The following GRAMD1B variants were observed in gnomAD, a reference collection of about 807,000 sequenced individuals.
GRAMD1B encodes the protein protein Aster-B.
A neutral mutation model predicts 99.7 loss-of-function variants in GRAMD1B; 37 were observed. That is an observed-to-expected ratio of 0.37 (90% CI 0.29 to 0.49). The LOEUF (loss-of-function observed/expected upper bound fraction) is 0.49, where lower values mean the gene tolerates loss of function less well. Ranked by LOEUF, GRAMD1B falls within the 20% of genes least tolerant of loss-of-function variation. The pLI is 0.98. For missense variants in GRAMD1B, 888 were observed against 1,009.2 expected (o/e 0.88, Z 1.63); for synonymous variants, 427 against 387.6 (o/e 1.10, Z -1.19).
chr11:123,580,802 G>A (rs754797410), intron 3 of GRAMD1B, among the ~76,000 whole-genome samples: 5 of 152,164 alleles, frequency 3.3e-5, no homozygotes, highest in Non-Finnish European at 7.3e-5. Flanking sequence ...CTATGCAGCA[G>A]GTGCGGCAAA....
chr11:123,431,283 A>G (rs1423468746), intron 1 of GRAMD1B, 117 bp downstream of exon 1: 7 of 594,974 alleles, frequency 1.2e-5, no homozygotes, highest in Non-Finnish European at 2.1e-5. Context: ...CCGTCACCAG[A>G]GGCGCTTCTG....
intron 1 of GRAMD1B, among the ~76,000 whole-genome samples, chr11:123,395,504 C>A (rs1947428588): frequency 6.6e-6 from 1 of 152,138 alleles, no homozygotes; most frequent in African/African-American, 2.4e-5. Flanking sequence ...TGCATGGTTT[C>A]CTTTGCCTGT....
chr11:123,578,474 T>C, intron 3 of GRAMD1B: 1 of 1,408,900 alleles, frequency 7.1e-7, no homozygotes, highest in South Asian at 1.2e-5. Context: ...CCCTCTAGTG[T>C]CGATCTGTCT....
At chr11:123,567,641 T>C (rs893189695) in intron 2 of GRAMD1B, among the ~76,000 whole-genome samples, 7 of 152,174 alleles carry the variant, frequency 4.6e-5, no homozygotes, top group Non-Finnish European at 8.8e-5. Flanking sequence ...AAATGAAAAA[T>C]AGTGTTTGTC....
At chr11:123,505,706 A>T (rs1940354236) in intron 2 of GRAMD1B, among the ~76,000 whole-genome samples, 1 of 152,140 alleles carries the variant, frequency 6.6e-6, no homozygotes, top group Non-Finnish European at 1.5e-5. Flanking sequence ...TTCAAGCTGA[A>T]ACTCTTCCTC....
intron 2 of GRAMD1B, among the ~76,000 whole-genome samples, chr11:123,571,806 G>A (rs570770593): frequency 6.6e-6 from 1 of 151,998 alleles, no homozygotes; most frequent in African/African-American, 2.4e-5. Flanking sequence ...TGTTCATGCT[G>A]TCCGCCACCC....
chr11:123,525,820 C>A, intron 2 of GRAMD1B: 1 of 377,346 alleles, frequency 2.7e-6, no homozygotes, highest in South Asian at 3.0e-5. Flanking sequence ...GCTTGTTTCG[C>A]GCAGCCTTGC....
At chr11:123,504,581 G>A (rs983195628) in intron 2 of GRAMD1B, among the ~76,000 whole-genome samples, 14 of 152,140 alleles carry the variant, frequency 9.2e-5, no homozygotes, top group African/African-American at 2.9e-4. Flanking sequence ...AGTGACTCCC[G>A]CTGTGCTAGT....
chr11:123,492,000 T>C, intron 2 of GRAMD1B: 1 of 398,972 alleles, frequency 2.5e-6, no homozygotes, highest in Non-Finnish European at 4.4e-6. Flanking sequence ...TGGGATTGCC[T>C]GGGTTGGCTC....
rs957773877 is a variant in GRAMD1B, at chr11:123,619,084, G to A, written c.2427-23G>A. ...GCTGAGCATAACTCCAGCTGCTGGG[G>A]TACCCCTTCTTCTACCCCACAGGTT... On this transcript the variant is annotated intron_variant, in intron 18 of 19. Coordinates refer to ENST00000635736, the MANE Select transcript of GRAMD1B (RefSeq NM_001387025.1). The A allele has an allele frequency of 8.4e-6, 11 of 1,315,114 alleles. 1 individual carries two copies. In the South Asian group the frequency reaches 1.1e-4, roughly 14 times the overall value. The allele number at this position is 1,315,114 out of a possible 1,614,324, so 81.5% of individuals were successfully genotyped here.
intron 2 of GRAMD1B, among the ~76,000 whole-genome samples, chr11:123,565,064 C>T (rs1947196809): frequency 6.6e-6 from 1 of 152,132 alleles, no homozygotes; most frequent in South Asian, 2.1e-4. Context: ...GAAAGGATCT[C>T]ACTCTGTTGA....
chr11:123,464,391 C>A (rs1047922013), intron 1 of GRAMD1B, among the ~76,000 whole-genome samples: 2 of 152,146 alleles, frequency 1.3e-5, no homozygotes, highest in Non-Finnish European at 2.9e-5. Context: ...TTGTAGACGC[C>A]GATTGTGCAT....
At chr11:123,466,484 AG>A (rs1950687939) in intron 1 of GRAMD1B, among the ~76,000 whole-genome samples, 1 of 151,632 alleles carries the variant, frequency 6.6e-6, no homozygotes, top group African/African-American at 2.4e-5. Context: ...AAAGAAAGAA[AG>A]AAAAAGAAAG....
rs1949951870 is a variant in GRAMD1B, at chr11:123,452,919, G to T, written c.374+21753G>T. Reference sequence around the variant, plus strand: ...AGAAGGGGTAGGGAAGTGAAAGTTCGGTCTTGTGTTTCACAGGCACCACTG... The same window carrying T: ...AGAAGGGGTAGGGAAGTGAAAGTTCTGTCTTGTGTTTCACAGGCACCACTG... On this transcript the variant is annotated intron_variant, in intron 1 of 19. Transcript: ENST00000635736. Among the ~76,000 whole-genome samples, 3 of 152,200 alleles carry T rather than the reference G, an allele frequency of 2.0e-5. No individual in the cohort carries two copies. The South Asian group carries it at 6.2e-4, about 32-fold the overall frequency.
At chr11:123,548,970 T>C (rs1945335983) in intron 2 of GRAMD1B, among the ~76,000 whole-genome samples, 1 of 152,166 alleles carries the variant, frequency 6.6e-6, no homozygotes, top group Admixed American at 6.5e-5. Context: ...AAGCCTCCCA[T>C]CTGCCCAGCA....
chr11:123,486,554 GAAAAA>G (rs770942713), intron 2 of GRAMD1B, among the ~76,000 whole-genome samples: 1 of 102,336 alleles, frequency 9.8e-6, no homozygotes, highest in Admixed American at 1.0e-4. Context: ...TCTCAAAAAA[GAAAAA>G]AAAAAAAAAA....
At chr11:123,599,297 C>T in intron 7 of GRAMD1B, 1 of 723,164 alleles carries the variant, frequency 1.4e-6, no homozygotes, top group Non-Finnish European at 2.6e-6. Flanking sequence ...TCCCACTGAC[C>T]TCCATATACC....
intron 2 of GRAMD1B, among the ~76,000 whole-genome samples, chr11:123,560,074 C>CG (rs200821997): frequency 0.026 from 3,981 of 151,568 alleles, 198 homozygotes; most frequent in African/African-American, 0.092. Flanking sequence ...AACCCCCCCC[C>CG]CCGCAGCCCC....
intron 1 of GRAMD1B, among the ~76,000 whole-genome samples, chr11:123,414,021 G>A (rs1373965984): frequency 6.6e-6 from 1 of 151,870 alleles, no homozygotes; most frequent in East Asian, 1.9e-4. Flanking sequence ...AACTGTTAGT[G>A]GTCTTAGAAA....
Sources: gnomAD v4.1 joint callset for allele counts (sites outside exome capture counted in the v4.1 genomes callset) on GRCh38, gnomAD v4.1.1 for gene constraint, MANE v1.5 for transcripts, NCBI Gene and HGNC (gene_info 2026-07-23, HGNC 2026-07-21) for gene names.